The following GRHL2 variants were observed in gnomAD, a reference collection of about 807,000 sequenced individuals.
GRHL2 encodes grainyhead like transcription factor 2, also known as grainyhead-like protein 2 homolog.
In GRHL2, 21 loss-of-function variants were observed where a neutral mutation model predicts 83.8. The ratio of observed to expected loss-of-function variants is 0.25; its 90% CI spans 0.18 to 0.36. The LOEUF is 0.36. Among genes scored for constraint, GRHL2 ranks in the 10% least tolerant of loss-of-function variants. GRHL2 has a pLI of 1.00. For synonymous variants in GRHL2, 280 were observed against 278.9 expected, an observed-to-expected ratio of 1.00 and a Z score of -0.04; for missense variants, 623 against 781.8, an observed-to-expected ratio of 0.80 and a Z score of 2.42.
downstream of GRHL2, among the ~76,000 whole-genome samples, chr8:101,669,983 C>CTT (rs1416876717): frequency 6.6e-6 from 1 of 152,212 alleles, no homozygotes; most frequent in Non-Finnish European, 1.5e-5. Flanking sequence ...TGGCCAGTCC[C>CTT]TTTGGGCAGG....
intron 3 of GRHL2, among the ~76,000 whole-genome samples, chr8:101,553,618 C>T (rs1811431434): frequency 6.7e-6 from 1 of 148,942 alleles, no homozygotes. Context: ...CAAACTCATC[C>T]ACTTCTTTTT....
rs191987305 is a variant in GRHL2, at chr8:101,649,127, G to A, written c.1613-287G>A. Among the ~76,000 whole-genome samples, 84 of 152,310 alleles carry A rather than the reference G, an allele frequency of 5.5e-4. 1 individual carries two copies. Among genetic ancestry groups the A allele is most frequent in the Middle Eastern group, 6.8e-3 (2 of 294 alleles). ...GAAAAGAGGTTGCAAAAAGAGATGC[G>A]ATGTACCCCTCAGGAGAAATTCCAA... On this transcript the variant is annotated intron_variant, in intron 13 of 15. Coordinates refer to ENST00000646743, the MANE Select transcript of GRHL2 (RefSeq NM_024915.4).
rs567368754 is a variant in GRHL2, at chr8:101,503,875, G to T, written c.20+11086G>T. 3.3e-5 allele frequency among the ~76,000 whole-genome samples: 5 copies of T among 152,082 alleles called. No individual in the cohort carries two copies. The East Asian group carries it at 9.7e-4, about 29-fold the overall frequency. On this transcript the variant is annotated intron_variant, in intron 1 of 15. Transcript: ENST00000646743. ...AGAAAAAACACAAAAAGTTAACAGTGGTTTTCTCTCTTAAGTATAAAATAA... is the reference window on the plus strand; with the variant it reads ...AGAAAAAACACAAAAAGTTAACAGTTGTTTTCTCTCTTAAGTATAAAATAA...
At chr8:101,519,185 ATTTTT>A (rs573866039) in intron 1 of GRHL2, among the ~76,000 whole-genome samples, 1 of 143,068 alleles carries the variant, frequency 7.0e-6, no homozygotes, top group Admixed American at 7.0e-5. Context: ...TTCTTCATTG[ATTTTT>A]TTTTTTTTAA....
At chr8:101,671,555 C>G (rs1275903350), downstream of GRHL2, among the ~76,000 whole-genome samples, 1 of 152,226 alleles carries the variant, frequency 6.6e-6, no homozygotes, top group East Asian at 1.9e-4. Context: ...TGGGTGGAGC[C>G]TACCACAGCT....
chr8:101,667,555 T>G lies in GRHL2; in HGVS notation c.*852T>G, dbSNP rs1814098856. On this transcript the variant is annotated 3_prime_UTR_variant, in exon 16 of 16. Coordinates refer to ENST00000646743, the MANE Select transcript of GRHL2 (RefSeq NM_024915.4). ...AGATGGACTCTGCAATGGGCATACCTGGGGGCTCGTTCCCTGTCCCCAGAG... is the reference window on the plus strand; with the variant it reads ...AGATGGACTCTGCAATGGGCATACCGGGGGGCTCGTTCCCTGTCCCCAGAG... 1 of 152,528 alleles carries G rather than the reference T, an allele frequency of 6.6e-6. No homozygotes were observed. Among genetic ancestry groups the G allele is most frequent in the Non-Finnish European group, 1.5e-5 (1 of 68,114 alleles). The allele number at this position is 152,528 out of a possible 1,614,324, so 9.4% of individuals were successfully genotyped here. A position where few individuals can be genotyped will look rare whatever the true frequency, so the allele number is the denominator to read the frequency against.
downstream of GRHL2, among the ~76,000 whole-genome samples, chr8:101,670,839 G>A (rs1019685608): frequency 4.6e-5 from 7 of 152,346 alleles, no homozygotes; most frequent in Admixed American, 2.0e-4. Flanking sequence ...CACTGATTCA[G>A]TTCGATTACT....
At position 101,524,899 on chromosome 8, in the gene GRHL2, C is replaced by T. The variant is rs190791182; in HGVS notation, c.21-18342C>T. Among the ~76,000 whole-genome samples, 310 of 151,900 alleles carry T rather than the reference C, an allele frequency of 2.0e-3. 1 individual carries two copies. The highest frequency in any genetic ancestry group is 7.1e-3 in the African/African-American group (296 of 41,456). ...TATATAGAGTCTTGTTTTTTCTATG[C>T]CATACCATTATTTTTATTTTTGTTT... On this transcript the variant is annotated intron_variant, in intron 1 of 15. Coordinates refer to ENST00000646743, the MANE Select transcript of GRHL2 (RefSeq NM_024915.4).
At chr8:101,525,635 T>C (rs1333499854) in intron 1 of GRHL2, among the ~76,000 whole-genome samples, 1 of 151,166 alleles carries the variant, frequency 6.6e-6, no homozygotes, top group Non-Finnish European at 1.5e-5. Context: ...GGATTCCAGG[T>C]GTGTACCACC....
At chr8:101,497,115 C>G (rs926236157) in intron 1 of GRHL2, among the ~76,000 whole-genome samples, 2 of 152,174 alleles carry the variant, frequency 1.3e-5, no homozygotes, top group Non-Finnish European at 2.9e-5. Flanking sequence ...GTCCAGAGTT[C>G]TGTTCCCTAC....
intron 8 of GRHL2, among the ~76,000 whole-genome samples, chr8:101,601,571 A>G (rs975768296): frequency 3.3e-5 from 5 of 152,314 alleles, no homozygotes; most frequent in African/African-American, 1.2e-4. Flanking sequence ...GTGTATGAAC[A>G]TGCATGTTGC....
At chr8:101,541,199 G>A (rs1811147776) in intron 1 of GRHL2, among the ~76,000 whole-genome samples, 1 of 144,874 alleles carries the variant, frequency 6.9e-6, no homozygotes, top group Admixed American at 6.9e-5. Flanking sequence ...TGTACACCAT[G>A]TTTTCTTTAA....
At chr8:101,617,423 A>C (rs1371029750) in intron 8 of GRHL2, among the ~76,000 whole-genome samples, 1 of 152,190 alleles carries the variant, frequency 6.6e-6, no homozygotes, top group Non-Finnish European at 1.5e-5. Flanking sequence ...AGATGCCTGG[A>C]TTGCCAAAAG....
At chr8:101,664,349 C>T in intron 14 of GRHL2, 105 bp from the exon 15 acceptor site, 1 of 786,708 alleles carries the variant, frequency 1.3e-6, no homozygotes, top group Non-Finnish European at 2.2e-6. Flanking sequence ...GAAGAGCACT[C>T]TATCCCTGGG....
chr8:101,580,918 T>C (rs990028411), intron 7 of GRHL2, among the ~76,000 whole-genome samples: 2 of 152,066 alleles, frequency 1.3e-5, no homozygotes. Flanking sequence ...TTAGCCAGGA[T>C]GGTCTCGATC....
chr8:101,655,753 T>C (rs1300359343), intron 14 of GRHL2, among the ~76,000 whole-genome samples: 2 of 152,270 alleles, frequency 1.3e-5, no homozygotes, highest in Non-Finnish European at 2.9e-5. Flanking sequence ...TCAATTTGGC[T>C]TCTTTATTGT....
chr8:101,515,072 A>ACCTC (rs1001394737), intron 1 of GRHL2, among the ~76,000 whole-genome samples: 3 of 103,676 alleles, frequency 2.9e-5, no homozygotes, highest in African/African-American at 8.4e-5. Context: ...CCTTGTTCCT[A>ACCTC]CCTCCCTCCC....
chr8:101,661,288 C>CT (rs1813915923), intron 14 of GRHL2, among the ~76,000 whole-genome samples: 1 of 152,244 alleles, frequency 6.6e-6, no homozygotes, highest in Admixed American at 6.5e-5. Context: ...CCACTGGTGG[C>CT]TTTTTTTCCT....
At chr8:101,632,742 T>G (rs1563617339) in intron 11 of GRHL2, among the ~76,000 whole-genome samples, 1 of 152,228 alleles carries the variant, frequency 6.6e-6, no homozygotes, top group Non-Finnish European at 1.5e-5. Context: ...TGCATAAAGT[T>G]GCACAAGAGG....
Sources: gnomAD v4.1 joint callset for allele counts (sites outside exome capture counted in the v4.1 genomes callset) on GRCh38, gnomAD v4.1.1 for gene constraint, MANE v1.5 for transcripts, NCBI Gene and HGNC (gene_info 2026-07-23, HGNC 2026-07-21) for gene names.